Variants in ERC2 observed in about 807,000 individuals in gnomAD.
ERC2 encodes the protein ELKS/RAB6-interacting/CAST family member 2.
In ERC2, 42 loss-of-function variants were observed where a neutral mutation model predicts 114.8. The observed-to-expected ratio is 0.37, with a 90% CI of 0.29 to 0.47. The LOEUF is 0.47. Among genes scored for constraint, ERC2 ranks in the 20% least tolerant of loss-of-function variants. The pLI is 0.99. For synonymous variants in ERC2, 454 were observed against 425.5 expected, an observed-to-expected ratio of 1.07 and a Z score of -0.82; for missense variants, 939 against 1,150.7, an observed-to-expected ratio of 0.82 and a Z score of 2.66.
chr3:55,745,488 T>C (rs1009749863), intron 14 of ERC2, among the ~76,000 whole-genome samples: 5 of 152,222 alleles, frequency 3.3e-5, no homozygotes, highest in African/African-American at 1.2e-4. Flanking sequence ...TTCCATGACA[T>C]ACTGCAATAC....
chr3:56,032,913 A>AGAGAGAG lies in ERC2; in HGVS notation c.1642-13883_1642-13882insCTCTCTC, dbSNP rs1560056241. ...AGAGAGAGAGAGACAGAAAGAAAGA[A>AGAGAGAG]AGAAAGAAAGAAAGAAAGAAAGAAA... On this transcript the variant is annotated intron_variant, in intron 7 of 17. Coordinates refer to ENST00000288221, the MANE Select transcript of ERC2 (RefSeq NM_015576.3). Among the ~76,000 whole-genome samples the AGAGAGAG allele has an allele frequency of 3.6e-3, 247 of 68,446 alleles. 2 individuals are homozygous for AGAGAGAG. The highest frequency in any genetic ancestry group is 0.01 in the Middle Eastern group (2 of 192). The allele number at this position is 68,446 out of a possible 152,430, so 44.9% of individuals were successfully genotyped here. A position where few individuals can be genotyped will look rare whatever the true frequency, so the allele number is the denominator to read the frequency against.
chr3:56,419,405 A>C (rs1028599971), intron 2 of ERC2, among the ~76,000 whole-genome samples: 1 of 152,352 alleles, frequency 6.6e-6, no homozygotes, highest in South Asian at 2.1e-4. Context: ...TGCTTTTACT[A>C]TGTGACACCT....
chr3:55,992,118 T>C lies in ERC2; in HGVS notation c.2194A>G (p.Ile732Val). The change falls in exon 11 of 18, where the codon ATC becomes GTC. Residue 732 changes from isoleucine to valine, a missense_variant. This residue lies in a region of ERC2 where 328 missense variants were observed against 353.9 expected (regional missense o/e 0.93). Coordinates refer to ENST00000288221, the MANE Select transcript of ERC2 (RefSeq NM_015576.3). The part of the protein sequence containing the change: ...AQAEVDRLLE[I>V]LKEVENEKND... ...TTCTCATTCTCCACCTCCTTGAGGA[T>C]CTCCAGCAACCGGTCCACTTCCGCT... 6.2e-7 allele frequency: 1 copy of C among 1,614,022 alleles called. No individual in the cohort carries two copies. The highest frequency in any genetic ancestry group is 8.5e-7 in the Non-Finnish European group (1 of 1,179,900).
chr3:56,339,546 C>T (rs531478997), intron 2 of ERC2, among the ~76,000 whole-genome samples: 13 of 152,104 alleles, frequency 8.5e-5, no homozygotes, highest in Middle Eastern at 6.8e-3. Context: ...GCAAAGGGAG[C>T]CTTTGAAAAG....
At chr3:56,311,595 G>A (rs572705488) in intron 2 of ERC2, among the ~76,000 whole-genome samples, 2 of 151,658 alleles carry the variant, frequency 1.3e-5, no homozygotes, top group African/African-American at 4.8e-5. Context: ...CACAGCGCCT[G>A]GCCAATATTT....
At chr3:56,193,390 C>T (rs1825561) in intron 3 of ERC2, among the ~76,000 whole-genome samples, 33,560 of 151,824 alleles carry the variant, frequency 0.22, 4,305 homozygotes, top group East Asian at 0.51. Context: ...TGCATGTAAT[C>T]CCAGCTATTC....
intron 1 of ERC2, among the ~76,000 whole-genome samples, chr3:56,461,868 G>A (rs1298038808): frequency 6.6e-6 from 1 of 152,050 alleles, no homozygotes; most frequent in Non-Finnish European, 1.5e-5. Context: ...AAAAACATTT[G>A]AAAACTATGA....
intron 14 of ERC2, among the ~76,000 whole-genome samples, chr3:55,816,550 G>A (rs962519797): frequency 1.3e-5 from 2 of 152,192 alleles, no homozygotes; most frequent in African/African-American, 4.8e-5. Context: ...TTCTGAGTAT[G>A]TAGCAGACTC....
chr3:56,253,386 T>C (rs1026420178), intron 3 of ERC2, among the ~76,000 whole-genome samples: 1 of 152,232 alleles, frequency 6.6e-6, no homozygotes, highest in African/African-American at 2.4e-5. Flanking sequence ...TAAGAAAACT[T>C]ACTTTTCTTT....
At position 55,942,301 on chromosome 3, in the gene ERC2, T is replaced by TTTTTTTTTTTTG. The variant is rs1559906638; in HGVS notation, c.2403+8123_2403+8124insCAAAAAAAAAAA. On this transcript the variant is annotated intron_variant, in intron 13 of 17. Coordinates refer to ENST00000288221, the MANE Select transcript of ERC2 (RefSeq NM_015576.3). The stretch of plus-strand genomic sequence containing the variant: ...TTTTTTTTTTTTTTTTTTTTTTTTT[T>TTTTTTTTTTTTG]TTGTTGAGACGGAGTCTCGCTCTGT... 9.9e-5 allele frequency among the ~76,000 whole-genome samples: 12 copies of TTTTTTTTTTTTG among 120,844 alleles called. 2 individuals are homozygous for TTTTTTTTTTTTG. Among genetic ancestry groups the TTTTTTTTTTTTG allele is most frequent in the African/African-American group, 4.1e-4 (12 of 29,546 alleles). The allele number at this position is 120,844 out of a possible 152,430, so 79.3% of individuals were successfully genotyped here.
At chr3:56,225,468 A>G (rs555403334) in intron 3 of ERC2, among the ~76,000 whole-genome samples, 1 of 152,294 alleles carries the variant, frequency 6.6e-6, no homozygotes, top group Admixed American at 6.5e-5. Flanking sequence ...ACTTGGCTAA[A>G]ATAAGTGACT....
chr3:56,188,258 C>T (rs1034220639), intron 3 of ERC2, among the ~76,000 whole-genome samples: 45 of 152,190 alleles, frequency 3.0e-4, no homozygotes, highest in African/African-American at 1.0e-3. Context: ...TCAGGAGCCA[C>T]CCAAACATCA....
intron 3 of ERC2, among the ~76,000 whole-genome samples, chr3:56,248,809 C>G (rs951630610): frequency 6.6e-6 from 1 of 152,310 alleles, no homozygotes; most frequent in South Asian, 2.1e-4. Context: ...TGGTCCTAGA[C>G]CCAGCAACAA....
At position 55,995,791 on chromosome 3, in the gene ERC2, T is replaced by C. The variant is rs569067424; in HGVS notation, c.2062-3541A>G. Reference sequence around the variant, plus strand: ...TTAACTAGTAACCAGCATGAATGTGTTCTACCATGATCTACAGACATGAGT... The same window carrying C: ...TTAACTAGTAACCAGCATGAATGTGCTCTACCATGATCTACAGACATGAGT... On this transcript the variant is annotated intron_variant, in intron 10 of 17. Transcript: ENST00000288221. 1.4e-4 allele frequency among the ~76,000 whole-genome samples: 22 copies of C among 152,310 alleles called. No homozygotes were observed. In the South Asian group the frequency reaches 4.1e-3, roughly 29 times the overall value.
chr3:55,767,115 G>A (rs2067853410), intron 14 of ERC2, among the ~76,000 whole-genome samples: 1 of 152,214 alleles, frequency 6.6e-6, no homozygotes, highest in Non-Finnish European at 1.5e-5. Context: ...CTGCATTCAT[G>A]GATTTATGAC....
chr3:55,624,268 A>G (rs9829143), intron 17 of ERC2, among the ~76,000 whole-genome samples: 31,937 of 152,164 alleles, frequency 0.21, 3,458 homozygotes, highest in East Asian at 0.44. Context: ...GGAATGGTGG[A>G]AAATTCATAA....
intron 3 of ERC2, among the ~76,000 whole-genome samples, chr3:56,252,770 A>C (rs540696023): frequency 6.6e-6 from 1 of 151,850 alleles, no homozygotes; most frequent in East Asian, 1.9e-4. Context: ...AAAAAAAAAA[A>C]AAAAAAGACA....
intron 11 of ERC2, among the ~76,000 whole-genome samples, 188 bp from the exon 12 acceptor site, chr3:55,986,176 C>T (rs2070618797): frequency 6.6e-6 from 1 of 152,188 alleles, no homozygotes; most frequent in South Asian, 2.1e-4. Flanking sequence ...CCTGGGCACA[C>T]ACTGTAAGCT....
intron 14 of ERC2, among the ~76,000 whole-genome samples, chr3:55,833,634 G>T (rs1287586989): frequency 6.6e-6 from 1 of 152,100 alleles, no homozygotes; most frequent in African/African-American, 2.4e-5. Flanking sequence ...AGGAACAACT[G>T]GTACCAACCA....
Sources: allele counts gnomAD v4.1 joint callset (sites outside exome capture counted in the v4.1 genomes callset), GRCh38; gene constraint gnomAD v4.1.1; regional missense constraint gnomAD v4.1.1; transcripts MANE v1.5; gene names NCBI Gene and HGNC (gene_info 2026-07-23, HGNC 2026-07-21).